The following VMP1 variants were observed in gnomAD, a reference collection of about 807,000 sequenced individuals.
VMP1 encodes the protein vacuole membrane protein 1, also known as ectopic P-granules autophagy protein 3 homolog.
Under a neutral mutation model 56.0 loss-of-function variants are expected in VMP1, and 11 were observed. The ratio of observed to expected loss-of-function variants is 0.20; its 90% CI spans 0.12 to 0.32. VMP1 has a LOEUF of 0.32. Ranked by LOEUF, VMP1 falls within the 10% of genes least tolerant of loss-of-function variation. VMP1 has a pLI of 1.00. For synonymous variants in VMP1, 149 were observed against 165.0 expected (o/e 0.90, Z 0.74); for missense variants, 296 against 490.3 (o/e 0.60, Z 3.74).
At chr17:59,770,578 GTTTA>G (rs1414496127) in intron 6 of VMP1, among the ~76,000 whole-genome samples, 4 of 150,810 alleles carry the variant, frequency 2.7e-5, no homozygotes, top group Non-Finnish European at 5.9e-5. Flanking sequence ...TTCTGATTAC[GTTTA>G]TTTCTTTTTT....
At chr17:59,806,683 C>G (rs972113007) in intron 7 of VMP1, among the ~76,000 whole-genome samples, 4 of 148,084 alleles carry the variant, frequency 2.7e-5, no homozygotes, top group Non-Finnish European at 5.9e-5. Flanking sequence ...CCATTGCACT[C>G]CAACCTAGGC....
chr17:59,785,069 T>G (rs961969928), intron 7 of VMP1: 1 of 152,210 alleles, frequency 6.6e-6, no homozygotes, highest in Non-Finnish European at 1.5e-5. Flanking sequence ...ATTTGCATGA[T>G]GTATCCTGAA....
At chr17:59,833,538 C>G (rs1482946552) in intron 10 of VMP1, among the ~76,000 whole-genome samples, 1 of 151,998 alleles carries the variant, frequency 6.6e-6, no homozygotes, top group Non-Finnish European at 1.5e-5. Flanking sequence ...AACTTTTAAC[C>G]TCTTGTCTGT....
chr17:59,724,890 C>T (rs1400134715), intron 1 of VMP1, among the ~76,000 whole-genome samples: 16 of 151,292 alleles, frequency 1.1e-4, no homozygotes, highest in Admixed American at 2.0e-4. Flanking sequence ...GGCATGAACC[C>T]GGGAGGTGGA....
chr17:59,815,730 G>A (rs1011807270), intron 9 of VMP1, among the ~76,000 whole-genome samples: 5 of 151,904 alleles, frequency 3.3e-5, no homozygotes, highest in African/African-American at 2.4e-5. Context: ...GGTGGCGGGC[G>A]CCTGTAGTCC....
At chr17:59,773,966 C>G in intron 7 of VMP1, 81 bp downstream of exon 7, 1 of 1,254,822 alleles carries the variant, frequency 8.0e-7, no homozygotes, top group Non-Finnish European at 1.0e-6. Flanking sequence ...AGTAGTTACT[C>G]TGAAGAAGAA....
intron 6 of VMP1, among the ~76,000 whole-genome samples, chr17:59,767,259 C>T (rs1373112553): frequency 6.6e-6 from 1 of 151,916 alleles, no homozygotes; most frequent in Non-Finnish European, 1.5e-5. Context: ...GAATACCATA[C>T]CCTCAGGAGA....
intron 1 of VMP1, among the ~76,000 whole-genome samples, chr17:59,718,167 T>TCTTCCTTC (rs1203584119): frequency 4.7e-5 from 7 of 150,426 alleles, no homozygotes; most frequent in Non-Finnish European, 8.9e-5. Flanking sequence ...TGACTTCCTT[T>TCTTCCTTC]CTTCCTTCCC....
At chr17:59,738,347 T>G (rs1248484886) in intron 4 of VMP1, among the ~76,000 whole-genome samples, 1 of 152,216 alleles carries the variant, frequency 6.6e-6, no homozygotes, top group Non-Finnish European at 1.5e-5. Flanking sequence ...AGGAAATGGT[T>G]CTAGAATGGT....
At chr17:59,801,284 T>C (rs1177251488) in intron 7 of VMP1, among the ~76,000 whole-genome samples, 1 of 151,692 alleles carries the variant, frequency 6.6e-6, no homozygotes, top group Non-Finnish European at 1.5e-5. Flanking sequence ...CTTGCTCTGT[T>C]GCCCAGGCTG....
intron 1 of VMP1, among the ~76,000 whole-genome samples, chr17:59,724,800 C>A (rs539888027): frequency 4.0e-5 from 6 of 151,880 alleles, no homozygotes; most frequent in Non-Finnish European, 7.4e-5. Context: ...CACGTCTCTA[C>A]TAAAAATACA....
intron 7 of VMP1, among the ~76,000 whole-genome samples, chr17:59,790,298 A>G (rs891981495): frequency 6.6e-6 from 1 of 152,208 alleles, no homozygotes; most frequent in African/African-American, 2.4e-5. Flanking sequence ...GGGCATGATA[A>G]TTCATTCAGT....
In VMP1 at chr17:59,807,988, G is replaced by A. The variant is rs1331429017; in HGVS notation, c.715-808G>A. ...TTATGAACTATTTTCATTGGAATTT[G>A]GATTTGAATATATGCCATTTCAAAA... On this transcript the variant is annotated intron_variant, in intron 7 of 11. Coordinates refer to ENST00000262291, the MANE Select transcript of VMP1 (RefSeq NM_030938.5). Among the ~76,000 whole-genome samples, 4 of 152,208 alleles carry A rather than the reference G, an allele frequency of 2.6e-5. 1 individual carries two copies. The highest frequency in any genetic ancestry group is 9.6e-5 in the African/African-American group (4 of 41,530).
At chr17:59,812,979 A>T (rs2038104518) in intron 9 of VMP1, among the ~76,000 whole-genome samples, 1 of 152,152 alleles carries the variant, frequency 6.6e-6, no homozygotes, top group Admixed American at 6.6e-5. Flanking sequence ...GTATGATTCC[A>T]TGATAATTAC....
rs1427955397 is a variant in VMP1 at position 59,793,788 on chromosome 17, G to A, written c.715-15008G>A. Among the ~76,000 whole-genome samples, 4 of 57,978 alleles carry A rather than the reference G, an allele frequency of 6.9e-5. 1 individual carries two copies. The highest frequency in any genetic ancestry group is 1.8e-4 in the Non-Finnish European group (3 of 16,346). 38.0% of individuals were successfully genotyped at this position (57,978 alleles called of 152,430 possible). A position where few individuals can be genotyped will look rare whatever the true frequency, so the allele number is the denominator to read the frequency against. ...ATTACAGGCGAGCACCACCATGCCC[G>A]TTTAATTTTTGTGTTTTTAGTAGAG... On this transcript the variant is annotated intron_variant, in intron 7 of 11. Transcript: ENST00000262291.
chr17:59,782,660 T>C (rs1290361609), intron 7 of VMP1, among the ~76,000 whole-genome samples: 1 of 152,196 alleles, frequency 6.6e-6, no homozygotes, highest in Non-Finnish European at 1.5e-5. Context: ...ACGGAAAAGT[T>C]GAATCAACTG....
At chr17:59,737,307 T>G in intron 3 of VMP1, 146 bp from the exon 4 acceptor site, 1 of 638,868 alleles carries the variant, frequency 1.6e-6, no homozygotes, top group Non-Finnish European at 2.5e-6. Flanking sequence ...CCCCTTCTGT[T>G]ACTCCAAGAG....
chr17:59,824,096 C>CA (rs2038550119), intron 10 of VMP1, among the ~76,000 whole-genome samples: 1 of 151,690 alleles, frequency 6.6e-6, no homozygotes, highest in Non-Finnish European at 1.5e-5. Context: ...ACTAAACATA[C>CA]AAAAATTAGC....
chr17:59,811,529 A>G (rs2038050856), intron 8 of VMP1, 141 bp from the exon 9 acceptor site: 1 of 640,420 alleles, frequency 1.6e-6, no homozygotes, highest in Admixed American at 2.8e-5. Context: ...CTCCTTTTGA[A>G]CAATCCAGTA....
Sources: allele counts gnomAD v4.1 joint callset (sites outside exome capture counted in the v4.1 genomes callset), GRCh38; gene constraint gnomAD v4.1.1; transcripts MANE v1.5; gene names NCBI Gene and HGNC (gene_info 2026-07-23, HGNC 2026-07-21).